The following ADAMTSL3 variants were observed in gnomAD, a reference collection of about 807,000 sequenced individuals.
ADAMTSL3 encodes the protein ADAMTS like 3.
In ADAMTSL3, 128 loss-of-function variants were observed where a neutral mutation model predicts 201.7. The observed-to-expected ratio is 0.63, with a 90% CI of 0.55 to 0.73. The LOEUF is 0.73. Among genes scored for constraint, ADAMTSL3 ranks in the 30% least tolerant of loss-of-function variants. The pLI is 0.00. For missense variants in ADAMTSL3, 1,990 were observed against 2,119.6 expected (o/e 0.94, Z 1.20); for synonymous variants, 738 against 748.4 (o/e 0.99, Z 0.23).
At chr15:83,701,575 A>G (rs2061777927) in intron 2 of ADAMTSL3, among the ~76,000 whole-genome samples, 1 of 152,216 alleles carries the variant, frequency 6.6e-6, no homozygotes, top group Admixed American at 6.5e-5. Flanking sequence ...AATTTGAATC[A>G]TGGGGGAGGT....
intron 3 of ADAMTSL3, among the ~76,000 whole-genome samples, chr15:83,710,262 C>T (rs1458451645): frequency 1.3e-5 from 2 of 152,110 alleles, no homozygotes; most frequent in African/African-American, 4.8e-5. Flanking sequence ...ACTAATTTAG[C>T]GTTTGCTGTG....
intron 2 of ADAMTSL3, among the ~76,000 whole-genome samples, chr15:83,666,150 A>G (rs911305906): frequency 6.6e-6 from 1 of 152,166 alleles, no homozygotes; most frequent in Non-Finnish European, 1.5e-5. Flanking sequence ...ACTATACTCC[A>G]TTTTGATAAC....
chr15:84,031,299 G>A (rs2141937254), intron 27 of ADAMTSL3, 36 bp from the exon 28 acceptor site: 5 of 1,598,514 alleles, frequency 3.1e-6, no homozygotes, highest in East Asian at 2.2e-5. Context: ...GGATGAGCTT[G>A]CAGGATTTAC....
Position 84,014,547 on chromosome 15 carries a change from C to T in ADAMTSL3, c.3979C>T (p.Pro1327Ser). The T allele has an allele frequency of 2.5e-6, 4 of 1,613,436 alleles. No homozygotes were observed. Among genetic ancestry groups the T allele is most frequent in the Non-Finnish European group, 3.4e-6 (4 of 1,179,746 alleles). Residue 1327 changes from proline to serine, a missense_variant, in exon 24 of 30, where the codon CCT becomes TCT. Transcript: ENST00000286744. ...VTIRCPVKGV[P>S]QPNITWLKRG... is the part of the protein sequence containing the mutation. ...TATTTGTTTTTGTTCCAAAGGTGTCCCTCAGCCTAATATAACTTGGTTGAA... is the reference window on the plus strand; with the variant it reads ...TATTTGTTTTTGTTCCAAAGGTGTCTCTCAGCCTAATATAACTTGGTTGAA...
intron 2 of ADAMTSL3, among the ~76,000 whole-genome samples, chr15:83,656,683 C>T (rs1429929950): frequency 6.6e-6 from 1 of 152,198 alleles, no homozygotes; most frequent in African/African-American, 2.4e-5. Flanking sequence ...CTGCTGCTAG[C>T]TCCATACAGT....
At chr15:83,804,020 G>A (rs2063563001) in intron 4 of ADAMTSL3, among the ~76,000 whole-genome samples, 2 of 152,002 alleles carry the variant, frequency 1.3e-5, no homozygotes, top group Non-Finnish European at 2.9e-5. Flanking sequence ...GTGTGCGCCT[G>A]CAATCCTAGC....
chr15:83,678,849 A>T (rs995336039), intron 2 of ADAMTSL3, among the ~76,000 whole-genome samples: 1 of 145,784 alleles, frequency 6.9e-6, no homozygotes, highest in Non-Finnish European at 1.5e-5. Flanking sequence ...TATATATAAA[A>T]TATAAATATA....
At chr15:83,714,791 T>TTCTTTCTTTCTTTCTTTCTTTTTCTTTC (rs1555433213) in intron 3 of ADAMTSL3, among the ~76,000 whole-genome samples, 1 of 78,796 alleles carries the variant, frequency 1.3e-5, no homozygotes. Context: ...TTCTTTTTCT[T>TTCTTTCTTTCTTTCTTTCTTTTTCTTTC]TCTCTCTCTT....
At chr15:83,907,410 A>G (rs1270285038) in intron 15 of ADAMTSL3, among the ~76,000 whole-genome samples, 3 of 151,712 alleles carry the variant, frequency 2.0e-5, no homozygotes, top group Non-Finnish European at 2.9e-5. Flanking sequence ...GTTGTTGATG[A>G]TTTTTCACTT....
intron 19 of ADAMTSL3, among the ~76,000 whole-genome samples, chr15:83,967,464 G>T (rs1236053408): frequency 6.6e-6 from 1 of 152,104 alleles, no homozygotes; most frequent in Non-Finnish European, 1.5e-5. Context: ...TAGGAATACA[G>T]CTTACAAGGA....
In ADAMTSL3 at chr15:83,961,628, C is replaced by A. The variant is rs565707909; in HGVS notation, c.2491-8856C>A. 6 of 152,238 alleles carry A rather than the reference C, an allele frequency of 3.9e-5. No individual in the cohort carries two copies. In the South Asian group the frequency reaches 8.3e-4, roughly 21 times the overall value. 9.4% of individuals were successfully genotyped at this position (152,238 alleles called of 1,614,324 possible). ...GGATCTACACAATTCTAAAGAAAAG[C>A]AAGCATGACTCAAGGATTTCCTCTT... On this transcript the variant is annotated intron_variant, in intron 19 of 29. Transcript: ENST00000286744.
At chr15:83,813,480 A>G (rs1162049549) in intron 5 of ADAMTSL3, among the ~76,000 whole-genome samples, 1 of 152,222 alleles carries the variant, frequency 6.6e-6, no homozygotes, top group East Asian at 1.9e-4. Context: ...TCTAGTTGTA[A>G]TAGGGACATG....
At chr15:83,943,320 A>G (rs1192705860) in intron 19 of ADAMTSL3, among the ~76,000 whole-genome samples, 1 of 152,118 alleles carries the variant, frequency 6.6e-6, no homozygotes. Flanking sequence ...TATCATCATC[A>G]TTCTCCCAAA....
At chr15:83,989,064 A>G (rs944882914) in intron 22 of ADAMTSL3, among the ~76,000 whole-genome samples, 3 of 151,796 alleles carry the variant, frequency 2.0e-5, no homozygotes, top group South Asian at 2.1e-4. Context: ...TTGTATTTTT[A>G]GTAGAGACGG....
chr15:83,983,003 G>C lies in ADAMTSL3; in HGVS notation c.3375G>C (p.Val1125=). 1 of 1,614,144 alleles carries C rather than the reference G, an allele frequency of 6.2e-7. No homozygotes were observed. The highest frequency in any genetic ancestry group is 8.5e-7 in the Non-Finnish European group (1 of 1,180,032). The part of the protein sequence containing the change: ...DLASQLIYQL[V]AELAKAQPTH... ...CGTCCCAGCTGATATATCAGCTGGT[G>C]GCCGAATTAGCCAAGGCACAGCCAA... Residue 1125 remains valine, a synonymous_variant, in exon 21 of 30, where the codon GTG becomes GTC. Coordinates refer to ENST00000286744, the MANE Select transcript of ADAMTSL3 (RefSeq NM_207517.3).
At chr15:84,036,495 T>G (rs1358441251) in intron 28 of ADAMTSL3, among the ~76,000 whole-genome samples, 2 of 152,168 alleles carry the variant, frequency 1.3e-5, no homozygotes, top group Admixed American at 1.3e-4. Flanking sequence ...TGCCTTGACT[T>G]GGTGTTGGAA....
intron 26 of ADAMTSL3, among the ~76,000 whole-genome samples, chr15:84,024,347 TATG>T (rs2068263519): frequency 1.3e-5 from 2 of 152,336 alleles, no homozygotes; most frequent in African/African-American, 4.8e-5. Flanking sequence ...TTAATTTTAA[TATG>T]GTGATGAATA....
At chr15:83,908,577 C>T (rs72748610) in intron 15 of ADAMTSL3, among the ~76,000 whole-genome samples, 18,568 of 152,222 alleles carry the variant, frequency 0.12, 1,309 homozygotes, top group East Asian at 0.35. Flanking sequence ...GATTCTGTCT[C>T]TCTCTCAAAA....
At chr15:83,912,615 G>T (rs2065953525) in intron 15 of ADAMTSL3, among the ~76,000 whole-genome samples, 1 of 152,138 alleles carries the variant, frequency 6.6e-6, no homozygotes, top group South Asian at 2.1e-4. Context: ...CATCCACTCT[G>T]TAGAAAGTAT....
Sources: gnomAD v4.1 joint callset for allele counts (sites outside exome capture counted in the v4.1 genomes callset) on GRCh38, gnomAD v4.1.1 for gene constraint, MANE v1.5 for transcripts, NCBI Gene and HGNC (gene_info 2026-07-23, HGNC 2026-07-21) for gene names.